The following ASTN2 variants were observed in gnomAD, a reference collection of about 807,000 sequenced individuals.
The protein encoded by ASTN2 is astrotactin 2, also known as astrotactin-2.
A neutral mutation model predicts 139.8 loss-of-function variants in ASTN2; 54 were observed. That is an observed-to-expected ratio of 0.39 (90% confidence interval 0.31 to 0.48). The LOEUF (loss-of-function observed/expected upper bound fraction) is 0.48. ASTN2 is among the 20% of genes least tolerant of loss of function. ASTN2 has a pLI of 0.95. For missense variants in ASTN2, 1,565 were observed against 1,725.1 expected, an observed-to-expected ratio of 0.91 and a Z score of 1.64; for synonymous variants, 756 against 719.5, an observed-to-expected ratio of 1.05 and a Z score of -0.81.
intron 13 of ASTN2, among the ~76,000 whole-genome samples, chr9:116,747,690 TGAGCACACACACACAC>T (rs71499889): frequency 1.3e-3 from 162 of 125,940 alleles, no homozygotes; most frequent in Non-Finnish European, 2.1e-3. Flanking sequence ...CAGGTGTGCA[TGAGCACACACACACAC>T]ACACACACAC....
chr9:117,267,490 A>G (rs1354187537), intron 2 of ASTN2, among the ~76,000 whole-genome samples: 3 of 152,228 alleles, frequency 2.0e-5, no homozygotes, highest in Non-Finnish European at 4.4e-5. Flanking sequence ...ATCTCAGTAC[A>G]TACACATATA....
intron 6 of ASTN2, among the ~76,000 whole-genome samples, chr9:117,030,574 G>T (rs774180071): frequency 1.3e-5 from 2 of 152,164 alleles, no homozygotes; most frequent in Admixed American, 1.3e-4. Context: ...CCCACTGGCT[G>T]CTGTGGTATC....
intron 1 of ASTN2, among the ~76,000 whole-genome samples, chr9:117,295,926 T>C (rs574727547): frequency 1.8e-4 from 27 of 152,014 alleles, no homozygotes; most frequent in African/African-American, 6.3e-4. Flanking sequence ...GATCAGCTGG[T>C]CATCGCAGGG....
Position 116,982,739 on chromosome 9 carries a change from A to AT in ASTN2, c.1592-5955dup, listed in dbSNP as rs918488087. Among the ~76,000 whole-genome samples, 13 of 151,860 alleles carry AT rather than the reference A, an allele frequency of 8.6e-5. No individual in the cohort carries two copies. In the East Asian group the frequency reaches 1.2e-3, roughly 14 times the overall value. ...TGCCATCATTCCCAGCTAATTTTTA[A>AT]TTTTTTTTGGTGAAATGAGACCTAA... On this transcript the variant is annotated intron_variant, in intron 7 of 22. Coordinates refer to ENST00000313400, the MANE Select transcript of ASTN2 (RefSeq NM_001365068.1).
chr9:117,253,056 A>C (rs532100619), intron 2 of ASTN2, among the ~76,000 whole-genome samples: 66 of 152,170 alleles, frequency 4.3e-4, no homozygotes, highest in Non-Finnish European at 7.5e-4. Context: ...TGAAGATTTA[A>C]ATAGATGATG....
At chr9:116,706,869 G>T (rs1828001343) in intron 16 of ASTN2, among the ~76,000 whole-genome samples, 2 of 147,088 alleles carry the variant, frequency 1.4e-5, no homozygotes, top group Admixed American at 1.4e-4. Context: ...TTATAGATGT[G>T]CTCAGCTAAG....
chr9:117,174,123 C>CTAGATAGAT (rs1830859785), intron 3 of ASTN2, among the ~76,000 whole-genome samples: 1 of 146,848 alleles, frequency 6.8e-6, no homozygotes. Context: ...AGCTAGCTAA[C>CTAGATAGAT]TAGATAGATA....
chr9:116,776,161 G>A (rs1830084479), intron 13 of ASTN2, among the ~76,000 whole-genome samples: 1 of 152,092 alleles, frequency 6.6e-6, no homozygotes, highest in Admixed American at 6.6e-5. Flanking sequence ...CACTAAACAG[G>A]CAATCAGAGA....
chr9:117,372,982 T>A (rs1033077728), intron 1 of ASTN2, among the ~76,000 whole-genome samples: 4 of 152,200 alleles, frequency 2.6e-5, no homozygotes, highest in Non-Finnish European at 5.9e-5. Context: ...ACTGAACTTC[T>A]CTGAGACTCA....
intron 1 of ASTN2, among the ~76,000 whole-genome samples, chr9:117,298,670 G>GTGTATATATATATA (rs1554717041): frequency 7.3e-6 from 1 of 136,466 alleles, no homozygotes; most frequent in South Asian, 2.4e-4. Context: ...ATATATATGT[G>GTGTATATATATATA]TATATATATA....
At chr9:116,720,817 T>C (rs922505872) in intron 16 of ASTN2, among the ~76,000 whole-genome samples, 2 of 152,120 alleles carry the variant, frequency 1.3e-5, no homozygotes, top group African/African-American at 2.4e-5. Flanking sequence ...CAGATTCCTT[T>C]TGATATCTCC....
chr9:116,565,427 A>ATATATATTTATT (rs1554714243), intron 19 of ASTN2, among the ~76,000 whole-genome samples: 12 of 73,998 alleles, frequency 1.6e-4, no homozygotes, highest in Non-Finnish European at 2.6e-4. Flanking sequence ...ATATATATAT[A>ATATATATTTATT]TATTTATTTA....
chr9:117,030,055 A>G (rs545527917), intron 6 of ASTN2, among the ~76,000 whole-genome samples: 1 of 152,254 alleles, frequency 6.6e-6, no homozygotes, highest in South Asian at 2.1e-4. Context: ...GGGAATTAAT[A>G]TACCCAAGGT....
intron 4 of ASTN2, among the ~76,000 whole-genome samples, chr9:117,118,545 C>T (rs531289266): frequency 1.3e-5 from 2 of 152,164 alleles, no homozygotes; most frequent in Non-Finnish European, 2.9e-5. Context: ...TTTATATTCC[C>T]AATGCCTATT....
At chr9:117,176,302 A>G (rs1830915221) in intron 3 of ASTN2, among the ~76,000 whole-genome samples, 1 of 152,156 alleles carries the variant, frequency 6.6e-6, no homozygotes. Flanking sequence ...CTTAGATAAG[A>G]TTATGATACC....
chr9:116,803,723 A>T (rs536341288), intron 13 of ASTN2, among the ~76,000 whole-genome samples: 183 of 150,546 alleles, frequency 1.2e-3, no homozygotes, highest in African/African-American at 4.2e-3. Flanking sequence ...ATGGGGTTTC[A>T]TTGTGTTAGC....
At position 116,487,506 on chromosome 9, in the gene ASTN2, G is replaced by A. The variant is rs531920780; in HGVS notation, c.3356-6C>T. The A allele has an allele frequency of 2.2e-5, 35 of 1,612,906 alleles. No individual in the cohort carries two copies. The South Asian group carries it at 3.7e-4, about 17-fold the overall frequency. ...AGCAAAACTCAGGAATTCTCCTGGA[G>A]GGAGAAAAAGAAAGATGAGCTCCCC... is the stretch of plus-strand genomic sequence containing the variant. On this transcript the variant is annotated splice_region_variant and splice_polypyrimidine_tract_variant and intron_variant, in intron 19 of 22. Coordinates refer to ENST00000313400, the MANE Select transcript of ASTN2 (RefSeq NM_001365068.1).
intron 1 of ASTN2, among the ~76,000 whole-genome samples, chr9:117,333,734 C>T (rs1007636930): frequency 6.6e-6 from 1 of 152,146 alleles, no homozygotes; most frequent in Non-Finnish European, 1.5e-5. Context: ...GAACTCCTGA[C>T]CTCAAGTGAT....
chr9:116,958,328 C>T (rs1021710838), intron 10 of ASTN2, among the ~76,000 whole-genome samples: 8 of 152,030 alleles, frequency 5.3e-5, no homozygotes, highest in Non-Finnish European at 7.4e-5. Flanking sequence ...TGGTGGCTCA[C>T]GCCTGTAATC....
Sources: gnomAD v4.1 joint callset for allele counts (sites outside exome capture counted in the v4.1 genomes callset) on GRCh38, gnomAD v4.1.1 for gene constraint, MANE v1.5 for transcripts, NCBI Gene and HGNC (gene_info 2026-07-23, HGNC 2026-07-21) for gene names.